Variants in CREB3L2 observed in about 807,000 individuals in gnomAD.
CREB3L2 encodes the protein cyclic AMP-responsive element-binding protein 3-like protein 2.
Under a neutral mutation model 57.2 loss-of-function variants are expected in CREB3L2, and 23 were observed. The observed-to-expected ratio is 0.40, with a 90% CI of 0.29 to 0.57. The LOEUF (loss-of-function observed/expected upper bound fraction) is 0.57, where lower values mean the gene tolerates loss of function less well. CREB3L2 is among the 20% of genes least tolerant of loss of function. The pLI, the probability that CREB3L2 is intolerant of heterozygous loss-of-function variation, is 0.42. For synonymous variants in CREB3L2, 268 were observed against 265.1 expected (o/e 1.01, Z -0.11); for missense variants, 628 against 634.7 (o/e 0.99, Z 0.11).
At position 137,997,790 on chromosome 7, in the gene CREB3L2, A is replaced by T. The variant is rs1226913276; in HGVS notation, c.102+3814T>A. ...ACAAAAGCACAGACAATTCCCAGAA[A>T]GTAATTTTCAGAGAATTTTATAGGA... On this transcript the variant is annotated intron_variant, in intron 1 of 11. Transcript: ENST00000330387. Among the ~76,000 whole-genome samples the T allele has an allele frequency of 2.0e-5, 3 of 152,210 alleles. No individual in the cohort carries two copies. In the South Asian group the frequency reaches 6.2e-4, roughly 32 times the overall value.
intron 1 of CREB3L2, among the ~76,000 whole-genome samples, chr7:137,974,047 T>C (rs948707950): frequency 1.8e-5 from 2 of 110,332 alleles, no homozygotes; most frequent in African/African-American, 1.1e-4. Context: ...GCCAAGCATC[T>C]GCTCTTTAAA....
chr7:138,001,643 C>T lies in CREB3L2; in HGVS notation c.63G>A (p.Leu21=), dbSNP rs1314711147. Residue 21 remains leucine (L), a synonymous_variant, in exon 1 of 12, where the codon CTG becomes CTA. Coordinates refer to ENST00000330387, the MANE Select transcript of CREB3L2 (RefSeq NM_194071.4). This position sits in a 1 kb window ranked among gnomAD's most constrained non-coding sequence, Gnocchi z 4.2. ...GGGCCTCGCCGTCCCCGGGCTCTGA[C>T]AGCTCGCTCAGCTTGCGGTCCCACT... ...VLQWDRKLSE[L]SEPGDGEALM... is the part of the protein sequence containing the mutation. 6 of 1,613,318 alleles carry T rather than the reference C, an allele frequency of 3.7e-6. No homozygotes were observed. The African/African-American group carries it at 5.3e-5, about 14-fold the overall frequency.
chr7:137,939,332 G>A (rs369348130), intron 1 of CREB3L2, among the ~76,000 whole-genome samples: 8 of 151,804 alleles, frequency 5.3e-5, no homozygotes, highest in East Asian at 1.9e-4. Flanking sequence ...AGGCACGTTC[G>A]GCATAGTCCC....
intron 2 of CREB3L2, among the ~76,000 whole-genome samples, chr7:137,926,072 CTGGAAACAACAGA>C (rs1800448565): frequency 1.3e-5 from 2 of 152,172 alleles, no homozygotes; most frequent in Non-Finnish European, 2.9e-5. Flanking sequence ...ATTAAAAAGT[CTGGAAACAACAGA>C]TGCTGGCGAG....
intron 1 of CREB3L2, chr7:137,935,789 A>T (rs1040011297): frequency 3.2e-5 from 5 of 154,506 alleles, no homozygotes; most frequent in Non-Finnish European, 5.7e-5. Context: ...AACATTTAAA[A>T]TGTATATCCA....
At chr7:137,910,018 G>C (rs1031134839) in intron 4 of CREB3L2, among the ~76,000 whole-genome samples, 1 of 152,090 alleles carries the variant, frequency 6.6e-6, no homozygotes, top group African/African-American at 2.4e-5. Context: ...CCTTATCCAC[G>C]TGGAACTGTG....
At chr7:137,894,905 C>T (rs1419290371) in intron 8 of CREB3L2, among the ~76,000 whole-genome samples, 1 of 152,146 alleles carries the variant, frequency 6.6e-6, no homozygotes, top group Non-Finnish European at 1.5e-5. Context: ...AGTTCTCGTC[C>T]CCATTCTACC....
Position 137,909,446 on chromosome 7 carries a change from C to A in CREB3L2, c.584-1010G>T, listed in dbSNP as rs149879364. ...GAAAGCACTCTTGGGTCTCACTGTT[C>A]TTTCTGAACAGTGCACATTTCTGTT... On this transcript the variant is annotated intron_variant, in intron 4 of 11. Coordinates refer to ENST00000330387, the MANE Select transcript of CREB3L2 (RefSeq NM_194071.4). Among the ~76,000 whole-genome samples the A allele has an allele frequency of 4.7e-3, 710 of 152,272 alleles. 6 individuals are homozygous for A. The highest frequency in any genetic ancestry group is 0.016 in the African/African-American group (678 of 41,552).
intron 1 of CREB3L2, among the ~76,000 whole-genome samples, chr7:137,946,070 C>T (rs574022426): frequency 6.6e-6 from 1 of 152,162 alleles, no homozygotes; most frequent in Non-Finnish European, 1.5e-5. Flanking sequence ...TAAACAGGCA[C>T]TGGCCACACA....
intron 2 of CREB3L2, among the ~76,000 whole-genome samples, chr7:137,918,107 C>T (rs550364985): frequency 6.6e-6 from 1 of 152,298 alleles, no homozygotes; most frequent in African/African-American, 2.4e-5. Flanking sequence ...AAAGAACACC[C>T]GCTTAGGACA....
At chr7:137,942,886 T>C (rs1289863867) in intron 1 of CREB3L2, among the ~76,000 whole-genome samples, 1 of 152,192 alleles carries the variant, frequency 6.6e-6, no homozygotes, top group Non-Finnish European at 1.5e-5. Flanking sequence ...TTCTGTTACC[T>C]ATAAAGCCAA....
chr7:137,891,892 T>A lies in CREB3L2; in HGVS notation c.1044-6390A>T, dbSNP rs939718516. Among the ~76,000 whole-genome samples the A allele has an allele frequency of 2.0e-5, 3 of 152,154 alleles. No homozygotes were observed. In the South Asian group the frequency reaches 6.2e-4, roughly 32 times the overall value. On this transcript the variant is annotated intron_variant, in intron 8 of 11. Coordinates refer to ENST00000330387, the MANE Select transcript of CREB3L2 (RefSeq NM_194071.4). ...CCACACCCAGCCACACATACTTCCATCAAATCTTACAACACATCTTAGAAA... is the reference window on the plus strand; with the variant it reads ...CCACACCCAGCCACACATACTTCCAACAAATCTTACAACACATCTTAGAAA...
At chr7:137,958,557 A>G (rs1276055661) in intron 1 of CREB3L2, among the ~76,000 whole-genome samples, 1 of 152,246 alleles carries the variant, frequency 6.6e-6, no homozygotes, top group Non-Finnish European at 1.5e-5. Flanking sequence ...AAACAAGCCA[A>G]ACAGCTTGAG....
chr7:137,895,380 T>A (rs1799608449), intron 8 of CREB3L2, among the ~76,000 whole-genome samples: 1 of 152,176 alleles, frequency 6.6e-6, no homozygotes. Context: ...AAGGGCCCCC[T>A]GGGAAACCAT....
At chr7:137,951,412 A>C (rs1273598164) in intron 1 of CREB3L2, among the ~76,000 whole-genome samples, 1 of 152,248 alleles carries the variant, frequency 6.6e-6, no homozygotes, top group Non-Finnish European at 1.5e-5. Context: ...ACATAAAACA[A>C]GGTTATATAC....
Position 137,913,120 on chromosome 7 carries a change from C to T in CREB3L2, c.496-42G>A, listed in dbSNP as rs781360174. On this transcript the variant is annotated intron_variant, in intron 3 of 11. Transcript: ENST00000330387. ...AAACACAATTTTTAAAAACCAATCA[C>T]AGCCTTGAAGACACATGCAGGAGAG... The T allele has an allele frequency of 5.0e-6, 8 of 1,594,996 alleles. No homozygotes were observed. The East Asian group carries it at 1.6e-4, about 31-fold the overall frequency.
intron 1 of CREB3L2, among the ~76,000 whole-genome samples, chr7:137,967,899 T>G (rs1270237680): frequency 1.3e-5 from 2 of 152,236 alleles, no homozygotes; most frequent in African/African-American, 4.8e-5. Flanking sequence ...CAGCCACTGT[T>G]GACTGAGCAC....
At chr7:137,973,770 C>T (rs1801558079) in intron 1 of CREB3L2, among the ~76,000 whole-genome samples, 1 of 152,186 alleles carries the variant, frequency 6.6e-6, no homozygotes, top group Admixed American at 6.5e-5. Context: ...ATTATTCAGA[C>T]AGGGCTTCTG....
intron 1 of CREB3L2, among the ~76,000 whole-genome samples, chr7:137,928,653 G>T (rs1450701396): frequency 6.6e-6 from 1 of 152,218 alleles, no homozygotes; most frequent in Non-Finnish European, 1.5e-5. Context: ...CTGGCTGGGA[G>T]TGTGCTGGGC....
Sources: allele counts gnomAD v4.1 joint callset (sites outside exome capture counted in the v4.1 genomes callset), GRCh38; gene constraint gnomAD v4.1.1; non-coding constraint Gnocchi (gnomAD v3.1); transcripts MANE v1.5; gene names NCBI Gene and HGNC (gene_info 2026-07-23, HGNC 2026-07-21).